Variants in RFX3 observed in about 807,000 individuals in gnomAD.
RFX3 encodes regulatory factor X3.
In RFX3, 14 loss-of-function variants were observed where a neutral mutation model predicts 98.6. The observed-to-expected ratio is 0.14, with a 90% CI of 0.09 to 0.22. RFX3 has a LOEUF of 0.22. RFX3 is among the 10% of genes least tolerant of loss of function. RFX3 has a pLI of 1.00. For missense variants in RFX3, 639 were observed against 926.9 expected (o/e 0.69, Z 4.03); for synonymous variants, 383 against 328.4 (o/e 1.17, Z -1.80).
chr9:3,315,622 T>G (rs1011304932), intron 4 of RFX3, among the ~76,000 whole-genome samples: 7 of 151,972 alleles, frequency 4.6e-5, no homozygotes, highest in African/African-American at 1.4e-4. Flanking sequence ...ATTGATAGAC[T>G]GCTAGCAAGA....
chr9:3,263,873 C>T (rs1345714374), intron 12 of RFX3, among the ~76,000 whole-genome samples: 1 of 152,152 alleles, frequency 6.6e-6, no homozygotes, highest in Non-Finnish European at 1.5e-5. Flanking sequence ...GAGCGGTTAC[C>T]AGGGTACTTA....
chr9:3,477,828 C>G (rs1054394863), intron 1 of RFX3, among the ~76,000 whole-genome samples: 2 of 152,066 alleles, frequency 1.3e-5, no homozygotes, highest in East Asian at 1.9e-4. Flanking sequence ...TTTTGAGACT[C>G]TGTTCATTTT....
chr9:3,387,724 TC>T (rs1487143527), intron 2 of RFX3, among the ~76,000 whole-genome samples: 1 of 151,700 alleles, frequency 6.6e-6, no homozygotes, highest in South Asian at 2.1e-4. Context: ...GAGAACACTG[TC>T]CCCCCTCAGG....
intron 1 of RFX3, among the ~76,000 whole-genome samples, chr9:3,429,418 C>A (rs1208069306): frequency 6.7e-6 from 1 of 149,238 alleles, no homozygotes; most frequent in Non-Finnish European, 1.5e-5. Flanking sequence ...ATATAATATA[C>A]AAATATATAT....
At chr9:3,314,180 G>A (rs2130561305) in intron 4 of RFX3, among the ~76,000 whole-genome samples, 1 of 152,296 alleles carries the variant, frequency 6.6e-6, no homozygotes, top group Middle Eastern at 3.4e-3. Context: ...TCTCTTGGCA[G>A]AAACTCTACA....
intron 1 of RFX3, among the ~76,000 whole-genome samples, chr9:3,519,425 G>C (rs1472974923): frequency 1.3e-5 from 2 of 152,096 alleles, no homozygotes; most frequent in African/African-American, 4.8e-5. Flanking sequence ...ATTAAAAAAG[G>C]GATGGTCAAA....
chr9:3,511,384 A>G (rs1398606829), intron 1 of RFX3, among the ~76,000 whole-genome samples: 1 of 151,996 alleles, frequency 6.6e-6, no homozygotes, highest in East Asian at 1.9e-4. Context: ...TTAGAATTGT[A>G]AAATAAACTT....
chr9:3,525,948 G>A lies in RFX3; in HGVS notation c.-210C>T. On this transcript the variant is annotated 5_prime_UTR_variant, in exon 1 of 17. Coordinates refer to ENST00000617270, the MANE Select transcript of RFX3 (RefSeq NM_001282116.2). Reference sequence around the variant, plus strand: ...CAAAAGAGAGAGAGAGAGGGAGAGAGAGAGAGAGCGAGAGGGAGAGGGAGA... The same window carrying A: ...CAAAAGAGAGAGAGAGAGGGAGAGAAAGAGAGAGCGAGAGGGAGAGGGAGA... 2.8e-6 allele frequency: 2 copies of A among 723,850 alleles called. No homozygotes were observed. The highest frequency in any genetic ancestry group is 6.3e-5 in the South Asian group (1 of 15,920). The allele number at this position is 723,850 out of a possible 1,614,324, so 44.8% of individuals were successfully genotyped here. A position where few individuals can be genotyped will look rare whatever the true frequency, so the allele number is the denominator to read the frequency against.
intron 11 of RFX3, among the ~76,000 whole-genome samples, chr9:3,268,780 A>T (rs1227483609): frequency 6.6e-6 from 1 of 152,004 alleles, no homozygotes; most frequent in Non-Finnish European, 1.5e-5. Flanking sequence ...TAAACTCACA[A>T]GTTAAAGTCT....
intron 5 of RFX3, among the ~76,000 whole-genome samples, chr9:3,300,536 T>C (rs912550032): frequency 3.3e-5 from 5 of 151,886 alleles, no homozygotes; most frequent in African/African-American, 1.2e-4. Flanking sequence ...AGTAAAAGTT[T>C]TAGGTTTATT....
intron 1 of RFX3, among the ~76,000 whole-genome samples, chr9:3,445,041 T>A (rs1178790542): frequency 6.6e-6 from 1 of 152,162 alleles, no homozygotes; most frequent in Non-Finnish European, 1.5e-5. Context: ...ATACATTTAA[T>A]CACATTCATG....
chr9:3,278,521 C>T lies in RFX3; in HGVS notation c.852-1060G>A, dbSNP rs371165368. Among the ~76,000 whole-genome samples, 4 of 151,692 alleles carry T rather than the reference C, an allele frequency of 2.6e-5. No homozygotes were observed. In the South Asian group the frequency reaches 6.2e-4, roughly 24 times the overall value. On this transcript the variant is annotated intron_variant, in intron 7 of 16. Transcript: ENST00000617270. ...CAGACACTTGACCCCTACATTGATA[C>T]TAAAATTCAACTGCATCATTAATAT...
chr9:3,456,488 C>G (rs1223501969), intron 1 of RFX3, among the ~76,000 whole-genome samples: 1 of 150,786 alleles, frequency 6.6e-6, no homozygotes, highest in Non-Finnish European at 1.5e-5. Context: ...ATGTGATATG[C>G]AAATGTGATG....
intron 9 of RFX3, among the ~76,000 whole-genome samples, chr9:3,273,213 T>C (rs1331991342): frequency 3.3e-5 from 5 of 152,302 alleles, no homozygotes; most frequent in Middle Eastern, 3.4e-3. Context: ...TTCAAAAGTT[T>C]TTCATATTTA....
intron 1 of RFX3, among the ~76,000 whole-genome samples, chr9:3,447,564 T>C (rs1434901931): frequency 1.3e-5 from 2 of 152,230 alleles, no homozygotes; most frequent in Admixed American, 6.5e-5. Flanking sequence ...TCAACTTTGT[T>C]CTTGCTCATT....
intron 1 of RFX3, among the ~76,000 whole-genome samples, chr9:3,412,862 T>C (rs1168574841): frequency 6.6e-6 from 1 of 152,190 alleles, no homozygotes; most frequent in Admixed American, 6.5e-5. Flanking sequence ...TGAATATTAA[T>C]AAAGCTACCA....
At chr9:3,322,559 C>T (rs1175702648) in intron 4 of RFX3, among the ~76,000 whole-genome samples, 1 of 152,044 alleles carries the variant, frequency 6.6e-6, no homozygotes, top group Non-Finnish European at 1.5e-5. Flanking sequence ...TGATGAAACC[C>T]TGTCTCCACT....
At chr9:3,312,620 T>C (rs533304091) in intron 4 of RFX3, among the ~76,000 whole-genome samples, 2 of 149,050 alleles carry the variant, frequency 1.3e-5, no homozygotes, top group Admixed American at 6.7e-5. Flanking sequence ...GATGGCCGAA[T>C]AGGAACAGCT....
At chr9:3,275,678 G>A in intron 8 of RFX3, 66 bp from the exon 9 acceptor site, 1 of 886,220 alleles carries the variant, frequency 1.1e-6, no homozygotes, top group East Asian at 2.6e-5. Context: ...ATTAATGAGG[G>A]AAAATTTAAG....
Sources: allele counts gnomAD v4.1 joint callset (sites outside exome capture counted in the v4.1 genomes callset), GRCh38; gene constraint gnomAD v4.1.1; transcripts MANE v1.5; gene names NCBI Gene and HGNC (gene_info 2026-07-23, HGNC 2026-07-21).